The following ST3GAL2 variants were observed in gnomAD, a reference collection of about 807,000 sequenced individuals.
The protein encoded by ST3GAL2 is CMP-N-acetylneuraminate-beta-galactosamide-alpha-2,3-sialyltransferase 2.
In ST3GAL2, 16 loss-of-function variants were observed where a neutral mutation model predicts 37.5. The observed-to-expected ratio is 0.43, with a 90% CI of 0.29 to 0.65. ST3GAL2 has a LOEUF of 0.65. ST3GAL2 is among the 30% of genes least tolerant of loss of function. ST3GAL2 has a pLI of 0.17. For missense variants in ST3GAL2, 383 were observed against 487.8 expected (o/e 0.79, Z 2.02); for synonymous variants, 238 against 202.9 (o/e 1.17, Z -1.47).
chr16:70,413,724 G>A (rs1033886278), intron 1 of ST3GAL2, among the ~76,000 whole-genome samples: 1 of 150,102 alleles, frequency 6.7e-6, no homozygotes, highest in African/African-American at 2.5e-5. Flanking sequence ...CAACAAAAGC[G>A]AAACTCCATC....
chr16:70,407,829 C>G lies in ST3GAL2; in HGVS notation c.-1003-8296G>C, dbSNP rs559025092. ...TTCTCGGTCAGATCCCAGGAGACAG[C>G]CATCAACGACTTAACCTAATGAAGC... On this transcript the variant is annotated intron_variant, in intron 1 of 6. Transcript: ENST00000342907. 3.0e-4 allele frequency among the ~76,000 whole-genome samples: 45 copies of G among 152,320 alleles called. 1 individual carries two copies. The highest frequency in any genetic ancestry group is 3.4e-3 in the Middle Eastern group (1 of 294).
intron 1 of ST3GAL2, among the ~76,000 whole-genome samples, chr16:70,416,755 C>T (rs2047679173): frequency 1.3e-5 from 2 of 152,098 alleles, no homozygotes; most frequent in Admixed American, 1.3e-4. Context: ...AACATGAGAC[C>T]TCAGGTACAA....
chr16:70,388,056 G>T (rs891660059), intron 4 of ST3GAL2, among the ~76,000 whole-genome samples: 2 of 151,148 alleles, frequency 1.3e-5, no homozygotes, highest in African/African-American at 4.9e-5. Flanking sequence ...ATGTTGCAGT[G>T]AGCCAAGATC....
intron 2 of ST3GAL2, among the ~76,000 whole-genome samples, chr16:70,396,616 C>G (rs1220012926): frequency 6.6e-6 from 1 of 152,134 alleles, no homozygotes; most frequent in Non-Finnish European, 1.5e-5. Context: ...CAGTAAGAGC[C>G]CACGGGGCTC....
chr16:70,423,627 A>G (rs1163293932), intron 1 of ST3GAL2, among the ~76,000 whole-genome samples: 1 of 151,740 alleles, frequency 6.6e-6, no homozygotes, highest in Admixed American at 6.6e-5. Flanking sequence ...ATCTTGGGCA[A>G]ATTTCTCAAC....
chr16:70,385,364 G>C (rs147217145), intron 4 of ST3GAL2, among the ~76,000 whole-genome samples: 105 of 152,208 alleles, frequency 6.9e-4, no homozygotes, highest in African/African-American at 2.3e-3. Flanking sequence ...AGTAGAATAA[G>C]GTTACCTGGG....
chr16:70,405,598 A>G (rs538464774), intron 1 of ST3GAL2, among the ~76,000 whole-genome samples: 41 of 151,796 alleles, frequency 2.7e-4, no homozygotes, highest in Non-Finnish European at 5.3e-4. Context: ...AAAAGGCCCC[A>G]TGCCAGATGA....
At chr16:70,415,268 C>G (rs1597570906) in intron 1 of ST3GAL2, among the ~76,000 whole-genome samples, 1 of 152,182 alleles carries the variant, frequency 6.6e-6, no homozygotes, top group South Asian at 2.1e-4. Context: ...CCAGGACCAC[C>G]CCCCCGCCAC....
At chr16:70,408,890 CAAA>C (rs59060353) in intron 1 of ST3GAL2, among the ~76,000 whole-genome samples, 804 of 59,320 alleles carry the variant, frequency 0.014, no homozygotes, top group Non-Finnish European at 0.02. Flanking sequence ...CTCAAAGAAA[CAAA>C]AAAAAAAAAA....
chr16:70,410,488 C>T (rs529380325), intron 1 of ST3GAL2, among the ~76,000 whole-genome samples: 2 of 151,454 alleles, frequency 1.3e-5, no homozygotes, highest in East Asian at 1.9e-4. Flanking sequence ...CTCCTGACCT[C>T]GTGATCTGCC....
intron 2 of ST3GAL2, among the ~76,000 whole-genome samples, chr16:70,397,432 C>T (rs2151663360): frequency 6.6e-6 from 1 of 150,960 alleles, no homozygotes; most frequent in South Asian, 2.1e-4. Flanking sequence ...ATGGTATTTA[C>T]AATTATTTTG....
At chr16:70,417,131 G>T (rs1175187075) in intron 1 of ST3GAL2, among the ~76,000 whole-genome samples, 1 of 152,202 alleles carries the variant, frequency 6.6e-6, no homozygotes, top group African/African-American at 2.4e-5. Context: ...TCTCGAAGGG[G>T]TTCCATGAGG....
intron 1 of ST3GAL2, among the ~76,000 whole-genome samples, chr16:70,424,145 C>T (rs2047734674): frequency 6.6e-6 from 1 of 150,476 alleles, no homozygotes; most frequent in Non-Finnish European, 1.5e-5. Flanking sequence ...CGCCATGACG[C>T]CCAGCTAATT....
chr16:70,399,363 C>T lies in ST3GAL2; in HGVS notation c.-833G>A, dbSNP rs771243380. 4 of 398,606 alleles carry T rather than the reference C, an allele frequency of 1.0e-5. No individual in the cohort carries two copies. Among genetic ancestry groups the T allele is most frequent in the Non-Finnish European group, 1.8e-5 (4 of 226,192 alleles). 24.7% of individuals were successfully genotyped at this position (398,606 alleles called of 1,614,324 possible). A position where few individuals can be genotyped will look rare whatever the true frequency, so the allele number is the denominator to read the frequency against. On this transcript the variant is annotated 5_prime_UTR_variant, in exon 2 of 7. Transcript: ENST00000342907. ...TGTGTCCAATACCATCTGGGTCAGGCGAGCTTGTGCTGAGCTCCCTACCAG... is the reference window on the plus strand; with the variant it reads ...TGTGTCCAATACCATCTGGGTCAGGTGAGCTTGTGCTGAGCTCCCTACCAG...
In ST3GAL2 at chr16:70,413,485, G is replaced by A. The variant is rs138566344; in HGVS notation, c.-1003-13952C>T. Among the ~76,000 whole-genome samples, 641 of 144,976 alleles carry A rather than the reference G, an allele frequency of 4.4e-3. 4 individuals are homozygous for A. Among genetic ancestry groups the A allele is most frequent in the African/African-American group, 0.016 (609 of 38,406 alleles). On this transcript the variant is annotated intron_variant, in intron 1 of 6. Transcript: ENST00000342907. ...AATCCCAGCACTTTGGGAGGCCGAA[G>A]CAGCCAGATCACCTGAGGTCAGGAG...
intron 1 of ST3GAL2, among the ~76,000 whole-genome samples, chr16:70,421,448 G>A (rs1288703989): frequency 6.6e-6 from 1 of 152,182 alleles, no homozygotes; most frequent in Non-Finnish European, 1.5e-5. Flanking sequence ...GGCCTAAGCT[G>A]AGTTATAAGC....
chr16:70,418,699 T>C (rs1264569002), intron 1 of ST3GAL2, among the ~76,000 whole-genome samples: 2 of 152,096 alleles, frequency 1.3e-5, no homozygotes, highest in African/African-American at 4.8e-5. Flanking sequence ...CCCAGATACA[T>C]AGATACGCTC....
intron 1 of ST3GAL2, among the ~76,000 whole-genome samples, chr16:70,425,674 G>A (rs750973163): frequency 2.8e-4 from 43 of 151,642 alleles, no homozygotes; most frequent in Non-Finnish European, 5.6e-4. Flanking sequence ...AACCGAGACC[G>A]CTCCATTCAC....
chr16:70,419,041 C>G (rs895255079), intron 1 of ST3GAL2, among the ~76,000 whole-genome samples: 4 of 152,178 alleles, frequency 2.6e-5, no homozygotes, highest in Non-Finnish European at 4.4e-5. Context: ...GGCATTCCCT[C>G]CCCCTCTCCC....
Sources: allele counts gnomAD v4.1 joint callset (sites outside exome capture counted in the v4.1 genomes callset), GRCh38; gene constraint gnomAD v4.1.1; transcripts MANE v1.5; gene names NCBI Gene and HGNC (gene_info 2026-07-23, HGNC 2026-07-21).